Variants in MYO10 observed in about 807,000 individuals in gnomAD.
MYO10 encodes the protein myosin X.
MYO10 carries 133 observed loss-of-function variants against 257.3 expected under a neutral mutation model. That is an observed-to-expected ratio of 0.52 (90% CI 0.45 to 0.60). The LOEUF (loss-of-function observed/expected upper bound fraction) is 0.60. Ranked by LOEUF, MYO10 falls within the 20% of genes least tolerant of loss-of-function variation. The probability of loss-of-function intolerance (pLI) is 0.00; values close to 1 mark genes in which losing one functional copy is unlikely to be tolerated. For missense variants in MYO10, 2,399 were observed against 2,635.7 expected (o/e 0.91, Z 1.97); for synonymous variants, 1,104 against 1,028.6 (o/e 1.07, Z -1.40).
chr5:16,823,467 G>GGTTTTTTTT (rs1561003861), intron 2 of MYO10, among the ~76,000 whole-genome samples: 9 of 3,982 alleles, frequency 2.3e-3, no homozygotes, highest in Non-Finnish European at 4.0e-3. Context: ...GGGGAGTGGG[G>GGTTTTTTTT]ATTTTTTTTT....
Position 16,868,206 on chromosome 5 carries a change from C to T in MYO10, c.120+9403G>A, listed in dbSNP as rs368712019. On this transcript the variant is annotated intron_variant, in intron 2 of 40. Transcript: ENST00000513610. ...TTCCTAAAGAGTGCTACAGTGACTGCTCGTGCACCTCCTGGATGTTCCAGA... is the reference window on the plus strand; with the variant it reads ...TTCCTAAAGAGTGCTACAGTGACTGTTCGTGCACCTCCTGGATGTTCCAGA... 8.3e-4 allele frequency among the ~76,000 whole-genome samples: 126 copies of T among 152,336 alleles called. 4 individuals carry two copies. The South Asian group carries it at 0.026, about 31-fold the overall frequency.
chr5:16,690,508 G>C (rs1737450085), intron 27 of MYO10, among the ~76,000 whole-genome samples: 1 of 152,140 alleles, frequency 6.6e-6, no homozygotes, highest in African/African-American at 2.4e-5. Flanking sequence ...ACTTCTCTAG[G>C]GGAGAGGCTC....
chr5:16,906,863 G>C (rs1291723229), intron 1 of MYO10, among the ~76,000 whole-genome samples: 2 of 152,126 alleles, frequency 1.3e-5, no homozygotes, highest in Non-Finnish European at 2.9e-5. Context: ...TGTAATCCGA[G>C]CACTTTGGGA....
At chr5:16,750,221 G>A (rs757373604) in intron 19 of MYO10, among the ~76,000 whole-genome samples, 2 of 152,094 alleles carry the variant, frequency 1.3e-5, no homozygotes, top group African/African-American at 2.4e-5. Flanking sequence ...GTGCTTCCTC[G>A]CTGAGCGCCA....
chr5:16,672,422 G>T (rs1579791156), intron 37 of MYO10, among the ~76,000 whole-genome samples: 1 of 74,262 alleles, frequency 1.3e-5, no homozygotes, highest in Admixed American at 1.3e-4. Flanking sequence ...AAAAAATCAA[G>T]AAATACCCAG....
intron 2 of MYO10, among the ~76,000 whole-genome samples, chr5:16,841,730 T>C (rs1477663429): frequency 6.6e-6 from 1 of 152,170 alleles, no homozygotes; most frequent in South Asian, 2.1e-4. Flanking sequence ...CTTTTAACAA[T>C]GGAAGCTGAC....
chr5:16,777,839 C>CTTTTTTTTTTTTTTTTTTTTTTTTTTT (rs61326508), intron 9 of MYO10, among the ~76,000 whole-genome samples: 1 of 88,482 alleles, frequency 1.1e-5, no homozygotes, highest in African/African-American at 5.4e-5. Context: ...TTGCATCTAA[C>CTTTTTTTTTTTTTTTTTTTTTTTTTTT]TTTTTTTTTT....
intron 19 of MYO10, among the ~76,000 whole-genome samples, chr5:16,749,673 A>G (rs1309078334): frequency 6.6e-6 from 1 of 152,112 alleles, no homozygotes; most frequent in Non-Finnish European, 1.5e-5. Context: ...GCTGGAACCC[A>G]TGACGTTTCC....
At chr5:16,845,857 G>A (rs941166878) in intron 2 of MYO10, among the ~76,000 whole-genome samples, 2 of 151,886 alleles carry the variant, frequency 1.3e-5, no homozygotes, top group Non-Finnish European at 2.9e-5. Context: ...CCAGCTACTC[G>A]GGAGGCTGAG....
intron 2 of MYO10, among the ~76,000 whole-genome samples, chr5:16,837,076 C>T (rs149422531): frequency 6.6e-6 from 1 of 151,940 alleles, no homozygotes; most frequent in South Asian, 2.1e-4. Flanking sequence ...TTTGGGAGGC[C>T]GAGGCGGGCA....
chr5:16,827,807 G>T (rs1165388177), intron 2 of MYO10, among the ~76,000 whole-genome samples: 1 of 152,178 alleles, frequency 6.6e-6, no homozygotes, highest in Non-Finnish European at 1.5e-5. Flanking sequence ...AGTGCCAGCT[G>T]CATGCATCAG....
intron 2 of MYO10, among the ~76,000 whole-genome samples, chr5:16,862,233 C>A (rs745697754): frequency 1.3e-5 from 2 of 152,198 alleles, no homozygotes; most frequent in African/African-American, 4.8e-5. Context: ...AATGAGGCAA[C>A]AAGAGGGCTT....
intron 38 of MYO10, among the ~76,000 whole-genome samples, 193 bp downstream of exon 38, chr5:16,671,229 G>A (rs1162891033): frequency 6.6e-6 from 1 of 152,136 alleles, no homozygotes; most frequent in Non-Finnish European, 1.5e-5. Flanking sequence ...ACAGTCCCTG[G>A]AACGGAGGTT....
intron 1 of MYO10, among the ~76,000 whole-genome samples, chr5:16,917,411 A>T (rs901667208): frequency 3.9e-5 from 6 of 152,136 alleles, no homozygotes; most frequent in Non-Finnish European, 8.8e-5. Flanking sequence ...TCTGCAATTG[A>T]GGATGTTTAG....
chr5:16,670,873 C>A lies in MYO10; in HGVS notation c.5536G>T (p.Ala1846Ser). Residue 1846 changes from alanine to serine, a missense_variant, in exon 39 of 41, where the codon GCT becomes TCT. Coordinates refer to ENST00000513610, the MANE Select transcript of MYO10 (RefSeq NM_012334.3). ...ACCTCTTCGAGAGGTGGGATGGCAG[C>A]GTGCAGAGTATAATCCCCCTGCAGA... is the stretch of plus-strand genomic sequence containing the variant. Reference protein sequence around the residue: ...QYLQGDYTLHAAIPPLEEVYS... With the variant: ...QYLQGDYTLHSAIPPLEEVYS... The A allele has an allele frequency of 1.9e-6, 3 of 1,613,936 alleles. No individual in the cohort carries two copies. The highest frequency in any genetic ancestry group is 2.5e-6 in the Non-Finnish European group (3 of 1,179,882).
chr5:16,748,649 A>G (rs1048729754), intron 19 of MYO10, among the ~76,000 whole-genome samples: 1 of 150,728 alleles, frequency 6.6e-6, no homozygotes, highest in Non-Finnish European at 1.5e-5. Flanking sequence ...AGGGAGAAAT[A>G]GCAGGCAGCA....
chr5:16,923,060 G>A lies in MYO10; in HGVS notation c.21+12728C>T, dbSNP rs182643835. On this transcript the variant is annotated intron_variant, in intron 1 of 40. Coordinates refer to ENST00000513610, the MANE Select transcript of MYO10 (RefSeq NM_012334.3). ...AAGAAAGAAAAGGAAAAAGAGAAGA[G>A]GGGAGGGGAGGGTGAACTAGTGCTT... Among the ~76,000 whole-genome samples, 567 of 152,122 alleles carry A rather than the reference G, an allele frequency of 3.7e-3. 5 individuals carry two copies. Among genetic ancestry groups the A allele is most frequent in the Non-Finnish European group, 6.4e-3 (437 of 68,004 alleles).
At chr5:16,676,468 G>A (rs569677458) in intron 33 of MYO10, among the ~76,000 whole-genome samples, 2 of 152,104 alleles carry the variant, frequency 1.3e-5, no homozygotes, top group African/African-American at 2.4e-5. Flanking sequence ...TGTAATCCCC[G>A]CATTTTGGGA....
intron 11 of MYO10, among the ~76,000 whole-genome samples, chr5:16,765,095 T>G (rs1740826049): frequency 6.6e-6 from 1 of 152,224 alleles, no homozygotes; most frequent in Non-Finnish European, 1.5e-5. Flanking sequence ...GTCAGCATTT[T>G]CATTTATCCA....
Sources: allele counts gnomAD v4.1 joint callset (sites outside exome capture counted in the v4.1 genomes callset), GRCh38; gene constraint gnomAD v4.1.1; transcripts MANE v1.5; gene names NCBI Gene and HGNC (gene_info 2026-07-23, HGNC 2026-07-21).